Variants in DGKH observed in about 807,000 individuals in gnomAD.
DGKH encodes the protein DAG kinase eta.
In DGKH, 90 loss-of-function variants were observed where a neutral mutation model predicts 159.3. The ratio of observed to expected loss-of-function variants is 0.57; its 90% CI spans 0.48 to 0.67. The LOEUF is 0.67. DGKH is among the 30% of genes least tolerant of loss of function. DGKH has a pLI of 0.00. For synonymous variants in DGKH, 536 were observed against 553.8 expected (o/e 0.97, Z 0.45); for missense variants, 1,181 against 1,506.1 (o/e 0.78, Z 3.57).
intron 3 of DGKH, among the ~76,000 whole-genome samples, chr13:42,133,909 T>C (rs1346977355): frequency 1.3e-5 from 2 of 152,198 alleles, no homozygotes; most frequent in Non-Finnish European, 2.9e-5. Flanking sequence ...TCCTCAATTA[T>C]TGTGACTGCT....
downstream of DGKH, among the ~76,000 whole-genome samples, chr13:42,244,206 A>G (rs748233482): frequency 1.3e-5 from 2 of 152,212 alleles, no homozygotes; most frequent in Non-Finnish European, 2.9e-5. Context: ...TACAGATCTG[A>G]GAGTCATTGC....
At chr13:42,107,293 G>A (rs529713803) in intron 1 of DGKH, among the ~76,000 whole-genome samples, 2 of 152,346 alleles carry the variant, frequency 1.3e-5, no homozygotes, top group African/African-American at 4.8e-5. Context: ...CAAGGTGGGA[G>A]GAAGATGAGT....
chr13:42,198,429 G>C lies in DGKH; in HGVS notation c.2168-49G>C, dbSNP rs371116491. ...AGGCCTGGATGGACTGGTTCTTTCT[G>C]TGTTTTTTCTTAACATGCGATCCCA... On this transcript the variant is annotated intron_variant, in intron 17 of 29. Transcript: ENST00000337343. 330 of 1,538,846 alleles carry C rather than the reference G, an allele frequency of 2.1e-4. 1 individual carries two copies. The highest frequency in any genetic ancestry group is 2.7e-4 in the Non-Finnish European group (305 of 1,119,306).
chr13:42,215,783 A>T, intron 26 of DGKH, 116 bp downstream of exon 26: 1 of 860,288 alleles, frequency 1.2e-6, no homozygotes, highest in East Asian at 2.7e-5. Context: ...TCTGGCTTCC[A>T]TCCTGAGAGC....
Position 42,214,535 on chromosome 13 carries a change from C to T in DGKH, c.3043C>T (p.Leu1015Phe). Residue 1015 changes from leucine (L) to phenylalanine (F), a missense_variant, in exon 25 of 30, where the codon CTT (leucine) becomes TTT (phenylalanine). By Grantham distance (22) the Leu-to-Phe change is conservative (BLOSUM62 0). Coordinates refer to ENST00000337343, the MANE Select transcript of DGKH (RefSeq NM_178009.5). Reference sequence around the variant, plus strand: ...ATGTGACGCAGCCACAATTCACTGTCTTTTGGAGCAAGAACTGGCCCATGC... The same window carrying T: ...ATGTGACGCAGCCACAATTCACTGTTTTTTGGAGCAAGAACTGGCCCATGC... The part of the protein sequence containing the change: ...RICDAATIHC[L>F]LEQELAHAVN... 6.2e-7 allele frequency: 1 copy of T among 1,613,442 alleles called. No individual in the cohort carries two copies. Among genetic ancestry groups the T allele is most frequent in the East Asian group, 2.2e-5 (1 of 44,860 alleles).
chr13:42,136,756 C>T (rs991922782), intron 3 of DGKH, among the ~76,000 whole-genome samples: 2 of 152,074 alleles, frequency 1.3e-5, no homozygotes, highest in African/African-American at 2.4e-5. Flanking sequence ...TGGGCTTACT[C>T]GGTTGATGAA....
At chr13:42,124,064 T>C (rs1955125680) in intron 1 of DGKH, among the ~76,000 whole-genome samples, 1 of 152,234 alleles carries the variant, frequency 6.6e-6, no homozygotes. Context: ...AAATTTTTTT[T>C]CCTGTAATGT....
Position 42,127,970 on chromosome 13 carries a change from C to T in DGKH, c.303+397C>T, listed in dbSNP as rs377695586. ...CTGCTATAGTTGCTAAGAATTCATG[C>T]TCTGTGTTCAGACAAGAGCTCATAT... On this transcript the variant is annotated intron_variant, in intron 2 of 29. Transcript: ENST00000337343. Among the ~76,000 whole-genome samples the T allele has an allele frequency of 8.5e-5, 13 of 152,200 alleles. No individual in the cohort carries two copies. The East Asian group carries it at 1.7e-3, about 20-fold the overall frequency.
intron 16 of DGKH, among the ~76,000 whole-genome samples, chr13:42,192,140 A>G (rs1393686012): frequency 6.6e-6 from 1 of 152,168 alleles, no homozygotes. Context: ...GCTGTCACTA[A>G]TTACATTAAC....
At chr13:42,246,662 G>A (rs1035517053), downstream of DGKH, among the ~76,000 whole-genome samples, 3 of 151,966 alleles carry the variant, frequency 2.0e-5, no homozygotes, top group Non-Finnish European at 4.4e-5. Flanking sequence ...CTGACTTATC[G>A]AATAAAAGGC....
chr13:42,120,055 T>C (rs1955039511), intron 1 of DGKH, among the ~76,000 whole-genome samples: 1 of 152,220 alleles, frequency 6.6e-6, no homozygotes, highest in African/African-American at 2.4e-5. Context: ...AAGTGCACAC[T>C]TTATGCAGCA....
chr13:42,207,101 C>CTTTCTTTCTTTCTTTCTTTA (rs1957513160), intron 21 of DGKH, among the ~76,000 whole-genome samples: 1 of 129,110 alleles, frequency 7.7e-6, no homozygotes, highest in African/African-American at 3.1e-5. Context: ...TTCTTTCTTT[C>CTTTCTTTCTTTCTTTCTTTA]TTTCTTTCTT....
At chr13:42,198,160 A>G (rs1431044934) in intron 17 of DGKH, among the ~76,000 whole-genome samples, 2 of 152,222 alleles carry the variant, frequency 1.3e-5, no homozygotes, top group Admixed American at 1.3e-4. Context: ...CATCTTTGCT[A>G]TAACAAAGGA....
In DGKH at chr13:42,238,068, T is replaced by C. The variant is rs950653461; in HGVS notation, c.*8880T>C. On this transcript the variant is annotated 3_prime_UTR_variant, in exon 30 of 30. Transcript: ENST00000337343. ...TGGCTCATTGTGTCCTTTCTACAAG[T>C]TATGTTTTGGTGACTTGGTGTCCCC... 6.6e-6 allele frequency: 1 copy of C among 152,212 alleles called. No individual in the cohort carries two copies. Among genetic ancestry groups the C allele is most frequent in the Non-Finnish European group, 1.5e-5 (1 of 68,024 alleles). The allele number at this position is 152,212 out of a possible 1,614,324, so 9.4% of individuals were successfully genotyped here.
intron 14 of DGKH, 28 bp downstream of exon 14, chr13:42,187,176 A>C (rs1165634104): frequency 8.3e-6 from 13 of 1,570,730 alleles, no homozygotes; most frequent in South Asian, 1.1e-5. Flanking sequence ...AGGGCATGAG[A>C]GTTGTTTATG....
chr13:42,045,030 G>A (rs993454657), upstream of DGKH, among the ~76,000 whole-genome samples: 8 of 152,318 alleles, frequency 5.3e-5, no homozygotes, highest in Middle Eastern at 3.4e-3. Context: ...TGTGGCTCAT[G>A]CCTGTAATCC....
At chr13:42,041,814 C>T (rs1593937729) in intron 1 of DGKH, among the ~76,000 whole-genome samples, 1 of 152,324 alleles carries the variant, frequency 6.6e-6, no homozygotes, top group Non-Finnish European at 1.5e-5. Flanking sequence ...GTGAGCCAGT[C>T]TGAAAAGCCC....
intron 13 of DGKH, among the ~76,000 whole-genome samples, chr13:42,186,017 GTGT>G (rs763956629): frequency 3.4e-5 from 3 of 88,496 alleles, no homozygotes; most frequent in South Asian, 4.1e-4. Flanking sequence ...GGTGGTGTGT[GTGT>G]GTGTGTGTGT....
intron 1 of DGKH, among the ~76,000 whole-genome samples, chr13:42,099,106 C>G (rs1165371689): frequency 2.6e-5 from 4 of 152,156 alleles, no homozygotes; most frequent in Non-Finnish European, 5.9e-5. Context: ...AACTGGACTC[C>G]TCATCTTCTC....
Sources: gnomAD v4.1 joint callset for allele counts (sites outside exome capture counted in the v4.1 genomes callset) on GRCh38, gnomAD v4.1.1 for gene constraint, MANE v1.5 for transcripts, NCBI Gene and HGNC (gene_info 2026-07-23, HGNC 2026-07-21) for gene names.